The following SEMA6D variants were observed in gnomAD, a reference collection of about 807,000 sequenced individuals.
The protein encoded by SEMA6D is semaphorin-6D.
Under a neutral mutation model 106.6 loss-of-function variants are expected in SEMA6D, and 35 were observed. The observed-to-expected ratio is 0.33, with a 90% CI of 0.25 to 0.44. The LOEUF (loss-of-function observed/expected upper bound fraction) is 0.44. Ranked by LOEUF, SEMA6D falls within the 20% of genes least tolerant of loss-of-function variation. SEMA6D has a pLI of 1.00. For missense variants in SEMA6D, 1,185 were observed against 1,345.9 expected, an observed-to-expected ratio of 0.88 and a Z score of 1.87; for synonymous variants, 499 against 487.7, an observed-to-expected ratio of 1.02 and a Z score of -0.31.
At chr15:47,311,837 A>G (rs1255950641) in intron 1 of SEMA6D, among the ~76,000 whole-genome samples, 1 of 152,182 alleles carries the variant, frequency 6.6e-6, no homozygotes, top group Non-Finnish European at 1.5e-5. Context: ...GGCAAACCAA[A>G]TGTCTGTAGC....
chr15:47,311,692 A>C (rs1258346184), intron 1 of SEMA6D, among the ~76,000 whole-genome samples: 1 of 152,114 alleles, frequency 6.6e-6, no homozygotes, highest in Non-Finnish European at 1.5e-5. Flanking sequence ...GCAGGAATGA[A>C]AAAAAAATCT....
intron 3 of SEMA6D, among the ~76,000 whole-genome samples, chr15:47,556,975 TA>T (rs544036158): frequency 6.6e-6 from 1 of 152,142 alleles, no homozygotes; most frequent in Non-Finnish European, 1.5e-5. Context: ...ACCTCATCAC[TA>T]AAATGTACAT....
At position 47,207,993 on chromosome 15, in the gene SEMA6D, G is replaced by GCGCACACACACACACA. The variant is rs1424944556; in HGVS notation, c.-239+23576_-239+23577insGCACACACACACACAC. On this transcript the variant is annotated intron_variant, in intron 1 of 19. Coordinates refer to the SEMA6D transcript ENST00000558014. The stretch of plus-strand genomic sequence containing the variant: ...AGGTACAGTAGCCACTGGCGCGCGC[G>GCGCACACACACACACA]CACACACACACACACACACACACAC... Among the ~76,000 whole-genome samples the GCGCACACACACACACA allele has an allele frequency of 2.5e-3, 221 of 89,396 alleles. 2 individuals carry two copies. Among genetic ancestry groups the GCGCACACACACACACA allele is most frequent in the African/African-American group, 3.3e-3 (82 of 24,538 alleles). The allele number at this position is 89,396 out of a possible 152,430, so 58.6% of individuals were successfully genotyped here.
chr15:47,433,295 A>G (rs1028678786), intron 2 of SEMA6D, among the ~76,000 whole-genome samples: 2 of 151,998 alleles, frequency 1.3e-5, no homozygotes, highest in Admixed American at 1.3e-4. Flanking sequence ...AAGGTTGTAC[A>G]TTTATTGATC....
At chr15:47,356,791 A>G (rs1459430438) in intron 1 of SEMA6D, among the ~76,000 whole-genome samples, 1 of 152,132 alleles carries the variant, frequency 6.6e-6, no homozygotes, top group East Asian at 1.9e-4. Flanking sequence ...TCCATCCACC[A>G]TTTCATCCAT....
chr15:47,380,081 A>G (rs1252254965), intron 1 of SEMA6D, among the ~76,000 whole-genome samples: 1 of 152,186 alleles, frequency 6.6e-6, no homozygotes, highest in Non-Finnish European at 1.5e-5. Context: ...AGCCTGGGTA[A>G]GTTTCACATT....
chr15:47,621,294 G>A (rs1331153515), intron 4 of SEMA6D, among the ~76,000 whole-genome samples: 1 of 152,128 alleles, frequency 6.6e-6, no homozygotes, highest in South Asian at 2.1e-4. Flanking sequence ...CAAAAGGATC[G>A]CCAAATGTCA....
rs759922413 is a variant in SEMA6D at position 47,768,615 on chromosome 15, G to A, written c.1800G>A (p.Met600Ile). 2 of 1,612,970 alleles carry A rather than the reference G, an allele frequency of 1.2e-6. No homozygotes were observed. The highest frequency in any genetic ancestry group is 1.7e-6 in the Non-Finnish European group (2 of 1,179,288). Residue 600 changes from methionine to isoleucine, a missense_variant, in exon 18 of 19, where the codon ATG becomes ATA. Met to Ile is a conservative substitution (Grantham distance 10, BLOSUM62 1). Around this residue, in one of 3 missense-constraint regions of SEMA6D, gnomAD observed 750 missense variants for 783.5 expected, o/e 0.96. Coordinates refer to ENST00000536845, the MANE Select transcript of SEMA6D (RefSeq NM_001358351.3). ...TATCTTCATCTTCTGTTACCACAAT[G>A]GCAAGTATCCCAGAAATCACACCTA... ...MEVSSSSVTT[M>I]ASIPEITPKV...
At chr15:47,359,443 A>G (rs146317652) in intron 1 of SEMA6D, 1 of 152,286 alleles carries the variant, frequency 6.6e-6, no homozygotes, top group Non-Finnish European at 1.5e-5. Context: ...AGCTGTTGCT[A>G]TTTGCCTGGG....
rs3050565 is a variant in SEMA6D at position 47,551,673 on chromosome 15, C to CTGTGTG, written c.-86-49170_-86-49165dup. Among the ~76,000 whole-genome samples, 43 of 141,364 alleles carry CTGTGTG rather than the reference C, an allele frequency of 3.0e-4. 1 individual carries two copies. The highest frequency in any genetic ancestry group is 8.3e-4 in the East Asian group (4 of 4,792). The allele number at this position is 141,364 out of a possible 152,430, so 92.7% of individuals were successfully genotyped here. A position where few individuals can be genotyped will look rare whatever the true frequency, so the allele number is the denominator to read the frequency against. On this transcript the variant is annotated intron_variant, in intron 3 of 19. Coordinates refer to the SEMA6D transcript ENST00000558014. The stretch of plus-strand genomic sequence containing the variant: ...CCATCGAAGTCTAACATCTGGGACT[C>CTGTGTG]TGTGTGTGTGTGTGTGTGTGTGTGT...
intron 1 of SEMA6D, among the ~76,000 whole-genome samples, chr15:47,230,669 C>G (rs1222891367): frequency 6.6e-6 from 1 of 152,014 alleles, no homozygotes; most frequent in African/African-American, 2.4e-5. Context: ...GTCCCTTGGC[C>G]AGCAACTGTC....
chr15:47,477,060 T>G (rs1251423768), intron 3 of SEMA6D, among the ~76,000 whole-genome samples: 1 of 152,154 alleles, frequency 6.6e-6, no homozygotes, highest in Non-Finnish European at 1.5e-5. Flanking sequence ...CCCAGCATGT[T>G]AATTCATTTA....
At chr15:47,653,715 A>G (rs1821290498) in intron 4 of SEMA6D, among the ~76,000 whole-genome samples, 1 of 152,276 alleles carries the variant, frequency 6.6e-6, no homozygotes, top group South Asian at 2.1e-4. Context: ...TGCAACAATA[A>G]TGTACTTCTT....
At chr15:47,360,511 T>C (rs1396201696) in intron 1 of SEMA6D, among the ~76,000 whole-genome samples, 3 of 152,236 alleles carry the variant, frequency 2.0e-5, no homozygotes, top group Non-Finnish European at 4.4e-5. Flanking sequence ...ATGGCTATCA[T>C]ACTGAATAGC....
At chr15:47,439,448 C>A (rs570053591) in intron 2 of SEMA6D, among the ~76,000 whole-genome samples, 1 of 152,248 alleles carries the variant, frequency 6.6e-6, no homozygotes, top group Non-Finnish European at 1.5e-5. Flanking sequence ...ACAATTTGGC[C>A]TGAGCTGTGC....
chr15:47,466,176 C>T (rs1239956199), intron 2 of SEMA6D, among the ~76,000 whole-genome samples: 2 of 152,120 alleles, frequency 1.3e-5, no homozygotes, highest in African/African-American at 4.8e-5. Context: ...AAGCACACTT[C>T]AGATGTACTG....
intron 1 of SEMA6D, among the ~76,000 whole-genome samples, chr15:47,743,086 AT>A (rs2080912843): frequency 6.6e-6 from 1 of 152,188 alleles, no homozygotes; most frequent in South Asian, 2.1e-4. Context: ...GGTCCAAGGC[AT>A]TGGTCAACTT....
intron 3 of SEMA6D, among the ~76,000 whole-genome samples, chr15:47,555,875 A>G (rs542651810): frequency 3.3e-5 from 5 of 152,308 alleles, no homozygotes; most frequent in African/African-American, 7.2e-5. Context: ...TAAATTATTT[A>G]GAAATGACCC....
intron 1 of SEMA6D, among the ~76,000 whole-genome samples, chr15:47,256,895 G>C (rs1019290707): frequency 6.6e-6 from 1 of 151,884 alleles, no homozygotes; most frequent in Non-Finnish European, 1.5e-5. Flanking sequence ...CTAAAATATT[G>C]TGTATATATT....
Sources: gnomAD v4.1 joint callset for allele counts (sites outside exome capture counted in the v4.1 genomes callset) on GRCh38, gnomAD v4.1.1 for gene constraint, gnomAD v4.1.1 regional missense constraint, MANE v1.5 for transcripts, NCBI Gene and HGNC (gene_info 2026-07-23, HGNC 2026-07-21) for gene names.